The following MCPH1 variants were observed in gnomAD, a reference collection of about 807,000 sequenced individuals.
MCPH1 encodes the protein microcephalin 1.
Under a neutral mutation model 84.5 loss-of-function variants are expected in MCPH1, and 104 were observed. That is an observed-to-expected ratio of 1.23 (90% confidence interval 1.05 to 1.45). MCPH1 has a LOEUF of 1.45. Among genes scored for constraint, MCPH1 ranks in the 40% most tolerant of loss-of-function variants. MCPH1 has a pLI of 0.00. For synonymous variants in MCPH1, 514 were observed against 366.8 expected (o/e 1.40, Z -4.58); for missense variants, 1,498 against 1,005.7 (o/e 1.49, Z -6.62).
At chr8:6,530,572 A>AATC (rs1246211461) in intron 12 of MCPH1, among the ~76,000 whole-genome samples, 1 of 149,430 alleles carries the variant, frequency 6.7e-6, no homozygotes, top group African/African-American at 2.5e-5. Flanking sequence ...CCAACCTAAT[A>AATC]ATTCGCTTTA....
intron 9 of MCPH1, among the ~76,000 whole-genome samples, chr8:6,465,581 C>T (rs576543810): frequency 4.0e-4 from 61 of 152,098 alleles, no homozygotes; most frequent in Non-Finnish European, 1.5e-5. Context: ...AAATGCTCCC[C>T]GGGTCCTCAG....
At chr8:6,423,224 C>G (rs1800518765) in intron 3 of MCPH1, among the ~76,000 whole-genome samples, 1 of 130,206 alleles carries the variant, frequency 7.7e-6, no homozygotes, top group Non-Finnish European at 1.6e-5. Flanking sequence ...GAGTCTCGCT[C>G]TGTCGCCCAG....
intron 4 of MCPH1, among the ~76,000 whole-genome samples, chr8:6,433,817 C>T (rs763435023): frequency 4.6e-5 from 7 of 151,910 alleles, no homozygotes; most frequent in African/African-American, 9.7e-5. Context: ...AAATTAAACC[C>T]GACTCAAGGC....
intron 5 of MCPH1, 23 bp downstream of exon 5, chr8:6,436,185 G>C: frequency 6.2e-7 from 1 of 1,609,172 alleles, no homozygotes; most frequent in Non-Finnish European, 8.5e-7. Flanking sequence ...ATATAATACA[G>C]TTCTTTGCAT....
intron 9 of MCPH1, among the ~76,000 whole-genome samples, chr8:6,459,571 C>T (rs1006581797): frequency 1.3e-5 from 2 of 152,190 alleles, no homozygotes; most frequent in Non-Finnish European, 2.9e-5. Flanking sequence ...CTTTCACCAG[C>T]TAATGACTGA....
At chr8:6,569,634 A>G (rs900983539) in intron 12 of MCPH1, among the ~76,000 whole-genome samples, 1 of 152,248 alleles carries the variant, frequency 6.6e-6, no homozygotes, top group Non-Finnish European at 1.5e-5. Flanking sequence ...CTCCGTGAAG[A>G]GAGAGACAAG....
chr8:6,599,476 A>C (rs1031407377), intron 12 of MCPH1, among the ~76,000 whole-genome samples: 1 of 152,220 alleles, frequency 6.6e-6, no homozygotes, highest in Admixed American at 6.5e-5. Flanking sequence ...CTCCACTTTA[A>C]TTAGAATGTT....
At chr8:6,508,777 G>C (rs1814314967) in intron 12 of MCPH1, 12 of 1,103,762 alleles carry the variant, frequency 1.1e-5, no homozygotes, top group Middle Eastern at 2.3e-4. Flanking sequence ...TCTAAAAAAA[G>C]TGAAAAACAC....
chr8:6,627,278 C>G (rs1796808170), intron 13 of MCPH1: 1 of 985,308 alleles, frequency 1.0e-6, no homozygotes, highest in South Asian at 4.7e-5. Flanking sequence ...CGATAAGGAA[C>G]CAGTCGCAGA....
intron 12 of MCPH1, among the ~76,000 whole-genome samples, chr8:6,524,649 C>T (rs1278971237): frequency 2.0e-5 from 3 of 152,150 alleles, no homozygotes; most frequent in Admixed American, 6.5e-5. Flanking sequence ...GAAATGAAAG[C>T]ATCATGAACC....
At chr8:6,527,506 C>A (rs1350668540) in intron 12 of MCPH1, 5 of 1,586,734 alleles carry the variant, frequency 3.2e-6, no homozygotes, top group Admixed American at 3.4e-5. Context: ...ACTTTCATAT[C>A]TGGAAAGTGT....
chr8:6,515,442 C>A (rs1013263434), intron 12 of MCPH1, among the ~76,000 whole-genome samples: 1 of 152,160 alleles, frequency 6.6e-6, no homozygotes, highest in Non-Finnish European at 1.5e-5. Context: ...CATGACTTCA[C>A]GCTTCTCTGT....
In MCPH1 at chr8:6,621,642, C is replaced by G; in HGVS notation, c.2403C>G (p.Ser801Arg). The G allele has an allele frequency of 6.2e-7, 1 of 1,614,190 alleles. No individual in the cohort carries two copies. The highest frequency in any genetic ancestry group is 8.5e-7 in the Non-Finnish European group (1 of 1,180,042). Residue 801 changes from serine (S) to arginine (R), a missense_variant, in exon 13 of 14, where the codon AGC becomes AGG. Ser to Arg is a moderately radical substitution (Grantham distance 110, BLOSUM62 -1). Coordinates refer to ENST00000344683, the MANE Select transcript of MCPH1 (RefSeq NM_024596.5). ...CCAGCATCGTCATCGGGCCCTACAGCGGAAAGAAGAAAGCCACAGTCAAGT... is the reference window on the plus strand; with the variant it reads ...CCAGCATCGTCATCGGGCCCTACAGGGGAAAGAAGAAAGCCACAGTCAAGT... ...RQASIVIGPY[S>R]GKKKATVKYL...
intron 12 of MCPH1, among the ~76,000 whole-genome samples, chr8:6,543,094 C>T (rs907623325): frequency 1.3e-5 from 2 of 151,950 alleles, no homozygotes; most frequent in South Asian, 2.1e-4. Flanking sequence ...TGGACAGAAA[C>T]CCCCGCAACT....
chr8:6,620,868 C>G (rs962037981), intron 12 of MCPH1: 3 of 160,148 alleles, frequency 1.9e-5, no homozygotes, highest in African/African-American at 7.2e-5. Context: ...GAAACAATCT[C>G]GAGACACCTC....
At chr8:6,631,926 G>A (rs1797190881) in intron 13 of MCPH1, among the ~76,000 whole-genome samples, 1 of 152,214 alleles carries the variant, frequency 6.6e-6, no homozygotes, top group Non-Finnish European at 1.5e-5. Context: ...CCAAAAGGCA[G>A]AAGCCCAAGT....
chr8:6,574,812 G>C (rs747787351), intron 12 of MCPH1, among the ~76,000 whole-genome samples: 8 of 152,174 alleles, frequency 5.3e-5, no homozygotes, highest in Non-Finnish European at 8.8e-5. Context: ...GTCTGACAAA[G>C]TCCATCCAAA....
intron 12 of MCPH1, among the ~76,000 whole-genome samples, chr8:6,590,701 T>C (rs972870772): frequency 6.6e-6 from 1 of 152,108 alleles, no homozygotes; most frequent in African/African-American, 2.4e-5. Flanking sequence ...GGAAAAGCAG[T>C]TTATTGCCAT....
chr8:6,593,001 T>G (rs1828631606), intron 12 of MCPH1, among the ~76,000 whole-genome samples: 1 of 150,894 alleles, frequency 6.6e-6, no homozygotes, highest in African/African-American at 2.4e-5. Flanking sequence ...ACACCCCAAA[T>G]AAACACAGAG....
Sources: gnomAD v4.1 joint callset for allele counts (sites outside exome capture counted in the v4.1 genomes callset) on GRCh38, gnomAD v4.1.1 for gene constraint, MANE v1.5 for transcripts, NCBI Gene and HGNC (gene_info 2026-07-23, HGNC 2026-07-21) for gene names.